The following LRIG1 variants were observed in gnomAD, a reference collection of about 807,000 sequenced individuals.
The protein encoded by LRIG1 is leucine rich repeats and immunoglobulin like domains 1, also known as leucine-rich repeats and immunoglobulin-like domains protein 1.
In LRIG1, 48 loss-of-function variants were observed where a neutral mutation model predicts 99.2. The observed-to-expected ratio is 0.48, with a 90% confidence interval of 0.38 to 0.62. LRIG1 has a LOEUF of 0.62. Among genes scored for constraint, LRIG1 ranks in the 20% least tolerant of loss-of-function variants. The pLI is 0.00. For synonymous variants in LRIG1, 772 were observed against 596.1 expected, an observed-to-expected ratio of 1.29 and a Z score of -4.30; for missense variants, 1,646 against 1,434.4, an observed-to-expected ratio of 1.15 and a Z score of -2.38.
chr3:66,431,129 C>T (rs1430425158), intron 3 of LRIG1, among the ~76,000 whole-genome samples: 3 of 152,144 alleles, frequency 2.0e-5, no homozygotes, highest in African/African-American at 4.8e-5. Context: ...ATCCCGGGTA[C>T]GGCACAGCTG....
At chr3:66,422,042 C>G (rs772879411) in intron 3 of LRIG1, among the ~76,000 whole-genome samples, 4 of 152,242 alleles carry the variant, frequency 2.6e-5, no homozygotes, top group Admixed American at 1.3e-4. Context: ...AGCTGGAACA[C>G]AGGACACCAT....
chr3:66,417,482 T>A, intron 3 of LRIG1: 3 of 558,952 alleles, frequency 5.4e-6, no homozygotes, highest in Non-Finnish European at 9.5e-6. Flanking sequence ...TTATCAAAGT[T>A]CTATCCCTAG....
At chr3:66,427,971 CT>C (rs1430404961) in intron 3 of LRIG1, among the ~76,000 whole-genome samples, 1 of 152,202 alleles carries the variant, frequency 6.6e-6, no homozygotes, top group Non-Finnish European at 1.5e-5. Flanking sequence ...GTAGTTAATT[CT>C]TTTCTATCAC....
At chr3:66,433,637 T>C (rs1159100693) in intron 3 of LRIG1, among the ~76,000 whole-genome samples, 2 of 152,254 alleles carry the variant, frequency 1.3e-5, no homozygotes, top group East Asian at 3.8e-4. Context: ...TCATACGATT[T>C]ACAATATCTC....
At chr3:66,399,804 C>G (rs1405760649) in intron 9 of LRIG1, among the ~76,000 whole-genome samples, 1 of 152,170 alleles carries the variant, frequency 6.6e-6, no homozygotes, top group East Asian at 1.9e-4. Flanking sequence ...AACTGCCACC[C>G]ACTTCTGAAA....
intron 8 of LRIG1, 90 bp downstream of exon 8, chr3:66,407,258 C>T (rs1350491234): frequency 1.5e-5 from 22 of 1,421,834 alleles, no homozygotes; most frequent in East Asian, 6.9e-5. Flanking sequence ...TCGAAGCCAA[C>T]GCAAATGGAG....
intron 1 of LRIG1, 144 bp downstream of exon 1, chr3:66,500,046 G>T: frequency 1.6e-6 from 1 of 614,138 alleles, no homozygotes; most frequent in Non-Finnish European, 2.7e-6. Context: ...ACTCCAACCT[G>T]ACAGTCTTCC....
At chr3:66,473,720 T>C (rs527428136) in intron 1 of LRIG1, among the ~76,000 whole-genome samples, 1 of 152,326 alleles carries the variant, frequency 6.6e-6, no homozygotes, top group African/African-American at 2.4e-5. Flanking sequence ...TCCGCTGTAT[T>C]ACAGGGAGGC....
chr3:66,408,821 C>G (rs1702364888), intron 7 of LRIG1, among the ~76,000 whole-genome samples: 1 of 152,072 alleles, frequency 6.6e-6, no homozygotes, highest in South Asian at 2.1e-4. Flanking sequence ...AGGGTTAACA[C>G]TCACAGAATC....
chr3:66,417,181 T>C lies in LRIG1; in HGVS notation c.451A>G (p.Ile151Val), dbSNP rs141843401. Reference sequence around the variant, plus strand: ...AAGCAGGTGTTCCGCACTTCCGTGATGTTGTTCAAACTCAGATCTAACACT... The same window carrying C: ...AAGCAGGTGTTCCGCACTTCCGTGACGTTGTTCAAACTCAGATCTAACACT... ...LEVLDLSLNN[I>V]TEVRNTCFPH... Residue 151 changes from isoleucine (I) to valine (V), a missense_variant, in exon 4 of 19, where the codon ATC becomes GTC. Ile to Val is a conservative substitution (Grantham distance 29). Coordinates refer to ENST00000273261, the MANE Select transcript of LRIG1 (RefSeq NM_015541.3). 9.3e-6 allele frequency: 15 copies of C among 1,614,114 alleles called. No individual in the cohort carries two copies. Among genetic ancestry groups the C allele is most frequent in the Non-Finnish European group, 1.1e-5 (13 of 1,180,044 alleles).
intron 9 of LRIG1, chr3:66,401,485 G>T: frequency 1.8e-6 from 1 of 561,394 alleles, no homozygotes; most frequent in South Asian, 3.5e-5. Context: ...TAGTCACATT[G>T]ACCTGTTTTA....
Position 66,500,498 on chromosome 3 carries a change from C to T in LRIG1, c.-91G>A. On this transcript the variant is annotated 5_prime_UTR_variant, in exon 1 of 19. Transcript: ENST00000273261. ...GGGCGGGCCCGCGGGGCGCTCCGCT[C>T]GGCTCTAGACTCCGCACCGGGGCAT... The T allele has an allele frequency of 1.6e-6, 1 of 644,018 alleles. No homozygotes were observed. The highest frequency in any genetic ancestry group is 2.3e-6 in the Non-Finnish European group (1 of 438,768). The allele number at this position is 644,018 out of a possible 1,614,324, so 39.9% of individuals were successfully genotyped here. A position where few individuals can be genotyped will look rare whatever the true frequency, so the allele number is the denominator to read the frequency against.
chr3:66,460,840 C>T (rs546437814), intron 2 of LRIG1, among the ~76,000 whole-genome samples: 4 of 152,332 alleles, frequency 2.6e-5, no homozygotes, highest in South Asian at 2.1e-4. Context: ...AGGCCCCTTC[C>T]TGTTCTGATG....
intron 1 of LRIG1, among the ~76,000 whole-genome samples, chr3:66,467,867 G>A (rs1459380872): frequency 6.6e-6 from 1 of 152,176 alleles, no homozygotes; most frequent in African/African-American, 2.4e-5. Context: ...GAAGCAACTT[G>A]AATCTAAAAC....
chr3:66,383,409 A>T lies in LRIG1; in HGVS notation c.2072-8T>A. On this transcript the variant is annotated splice_region_variant and splice_polypyrimidine_tract_variant and intron_variant, in intron 14 of 18. Coordinates refer to ENST00000273261, the MANE Select transcript of LRIG1 (RefSeq NM_015541.3). Reference sequence around the variant, plus strand: ...CCACCAAGGATGGGGTCTCTACAAGAGAGCAACAGAGATCTTAGTCATTCT... The same window carrying T: ...CCACCAAGGATGGGGTCTCTACAAGTGAGCAACAGAGATCTTAGTCATTCT... The T allele has an allele frequency of 6.5e-7, 1 of 1,532,088 alleles. No individual in the cohort carries two copies. Among genetic ancestry groups the T allele is most frequent in the Admixed American group, 2.0e-5 (1 of 50,732 alleles). The allele number at this position is 1,532,088 out of a possible 1,614,324, so 94.9% of individuals were successfully genotyped here. A position where few individuals can be genotyped will look rare whatever the true frequency, so the allele number is the denominator to read the frequency against.
At chr3:66,412,361 C>T (rs1702493887) in intron 6 of LRIG1, among the ~76,000 whole-genome samples, 1 of 152,124 alleles carries the variant, frequency 6.6e-6, no homozygotes, top group Non-Finnish European at 1.5e-5. Context: ...CCACGTTCAC[C>T]GAAGAAGCAG....
intron 12 of LRIG1, among the ~76,000 whole-genome samples, chr3:66,393,405 C>G (rs747891485): frequency 2.6e-5 from 4 of 152,230 alleles, no homozygotes; most frequent in Non-Finnish European, 5.9e-5. Flanking sequence ...TGTGTCAGTC[C>G]TGTCTGAGCT....
intron 2 of LRIG1, among the ~76,000 whole-genome samples, chr3:66,452,668 C>A (rs545107041): frequency 2.0e-5 from 3 of 152,128 alleles, no homozygotes; most frequent in Non-Finnish European, 4.4e-5. Flanking sequence ...CACAGCTGTA[C>A]TCATACAAGT....
At chr3:66,393,152 G>C (rs150643345) in intron 12 of LRIG1, among the ~76,000 whole-genome samples, 8 of 152,308 alleles carry the variant, frequency 5.3e-5, no homozygotes, top group African/African-American at 1.9e-4. Flanking sequence ...CCAGAAAGTA[G>C]GAGACAGAAG....
Sources: allele counts gnomAD v4.1 joint callset (sites outside exome capture counted in the v4.1 genomes callset), GRCh38; gene constraint gnomAD v4.1.1; transcripts MANE v1.5; gene names NCBI Gene and HGNC (gene_info 2026-07-23, HGNC 2026-07-21).